Variants in UBR3 observed in about 807,000 individuals in gnomAD.
UBR3 encodes E3 ubiquitin-protein ligase UBR3.
Under a neutral mutation model 243.2 loss-of-function variants are expected in UBR3, and 85 were observed. The ratio of observed to expected loss-of-function variants is 0.35; its 90% CI spans 0.29 to 0.42. UBR3 has a LOEUF of 0.42. Among genes scored for constraint, UBR3 ranks in the 10% least tolerant of loss-of-function variants. The pLI is 1.00. For synonymous variants in UBR3, 748 were observed against 799.8 expected (o/e 0.94, Z 1.09); for missense variants, 1,686 against 2,300.8 (o/e 0.73, Z 5.47).
intron 30 of UBR3, 122 bp downstream of exon 30, chr2:170,015,488 G>A (rs866496111): frequency 3.3e-4 from 209 of 623,914 alleles, no homozygotes; most frequent in Middle Eastern, 2.2e-3. Flanking sequence ...TTTAGATAGT[G>A]ATATATACTT....
intron 8 of UBR3, among the ~76,000 whole-genome samples, chr2:169,904,090 C>A (rs555759668): frequency 6.6e-6 from 1 of 152,082 alleles, no homozygotes; most frequent in Non-Finnish European, 1.5e-5. Flanking sequence ...GTAAAATATA[C>A]TTAGGCTTTT....
intron 19 of UBR3, among the ~76,000 whole-genome samples, chr2:169,941,542 C>CT (rs1445111606): frequency 8.5e-5 from 13 of 152,132 alleles, no homozygotes; most frequent in Non-Finnish European, 2.9e-5. Context: ...ATAAGGGGGA[C>CT]TACTATACAT....
intron 32 of UBR3, among the ~76,000 whole-genome samples, chr2:170,053,612 G>A (rs1477574515): frequency 5.3e-5 from 8 of 152,164 alleles, no homozygotes; most frequent in Admixed American, 4.6e-4. Context: ...CAGTGGTCTT[G>A]GGGACCCCCA....
chr2:169,901,075 A>G (rs2084803116), intron 8 of UBR3, among the ~76,000 whole-genome samples: 1 of 152,078 alleles, frequency 6.6e-6, no homozygotes, highest in Admixed American at 6.5e-5. Flanking sequence ...CACACTGTTG[A>G]TTCTCTTTCT....
intron 19 of UBR3, among the ~76,000 whole-genome samples, chr2:169,941,089 C>G (rs982719778): frequency 5.9e-5 from 9 of 152,182 alleles, no homozygotes; most frequent in Admixed American, 3.3e-4. Context: ...CTTCTGATGA[C>G]ATGTTGTTAG....
intron 1 of UBR3, among the ~76,000 whole-genome samples, chr2:169,850,330 C>A (rs1479557298): frequency 6.6e-6 from 1 of 152,046 alleles, no homozygotes; most frequent in African/African-American, 2.4e-5. Flanking sequence ...AGGCACACGC[C>A]ACCATGCTTG....
chr2:170,033,439 A>T (rs1021773032), intron 31 of UBR3, among the ~76,000 whole-genome samples: 2 of 151,918 alleles, frequency 1.3e-5, no homozygotes, highest in African/African-American at 4.8e-5. Context: ...TTAGGCACAC[A>T]TAGCTGTTGA....
At chr2:169,964,010 T>G (rs1294744349) in intron 24 of UBR3, among the ~76,000 whole-genome samples, 1 of 152,182 alleles carries the variant, frequency 6.6e-6, no homozygotes, top group Non-Finnish European at 1.5e-5. Context: ...ACAATCACAG[T>G]ACATCATACC....
In UBR3 at chr2:170,073,546, T is replaced by G; in HGVS notation, c.5138T>G (p.Ile1713Ser). 2 of 1,613,736 alleles carry G rather than the reference T, an allele frequency of 1.2e-6. No individual in the cohort carries two copies. Among genetic ancestry groups the G allele is most frequent in the Non-Finnish European group, 8.5e-7 (1 of 1,179,744 alleles). Residue 1713 changes from isoleucine (I) to serine (S), a missense_variant, in exon 36 of 39, where the codon ATT becomes AGT. This residue lies in a region of UBR3 where 371 missense variants were observed against 422.5 expected (regional missense o/e 0.88). Transcript: ENST00000272793. The stretch of plus-strand genomic sequence containing the variant: ...GATTGGCCAGTTCCAGCATTTGATA[T>G]TATAACTCAGTGGTGTTTTGAGATA... The part of the protein sequence containing the change: ...CLDWPVPAFD[I>S]ITQWCFEIKS...
At chr2:170,022,006 C>A (rs2090403781) in intron 30 of UBR3, among the ~76,000 whole-genome samples, 2 of 152,114 alleles carry the variant, frequency 1.3e-5, no homozygotes, top group African/African-American at 4.8e-5. Flanking sequence ...ACTCTACCCC[C>A]ATTTTAAACG....
At chr2:169,837,603 G>T (rs1298055206) in intron 1 of UBR3, among the ~76,000 whole-genome samples, 3 of 152,220 alleles carry the variant, frequency 2.0e-5, no homozygotes, top group Admixed American at 2.0e-4. Context: ...AAGGCACCTA[G>T]TCACAGAGCA....
intron 5 of UBR3, among the ~76,000 whole-genome samples, chr2:169,880,853 T>C (rs1436986156): frequency 1.3e-5 from 2 of 152,164 alleles, no homozygotes; most frequent in Non-Finnish European, 2.9e-5. Context: ...AAAGTGAGAA[T>C]ATATGGTATT....
Position 170,008,851 on chromosome 2 carries a change from A to T in UBR3, c.4278A>T (p.Ile1426=). 2 of 1,525,832 alleles carry T rather than the reference A, an allele frequency of 1.3e-6. No individual in the cohort carries two copies. The highest frequency in any genetic ancestry group is 1.8e-6 in the Non-Finnish European group (2 of 1,112,882). The allele number at this position is 1,525,832 out of a possible 1,614,324, so 94.5% of individuals were successfully genotyped here. The part of the protein sequence containing the change: ...SKEMESVMKD[I]KNTTQKKYRD... The stretch of plus-strand genomic sequence containing the variant: ...AAATGGAATCTGTAATGAAAGATAT[A>T]AAAAATACCACTCAGAAGAAATATA... The change falls in exon 29 of 39, where the codon ATA becomes ATT. Residue 1426 remains isoleucine, a synonymous_variant. Coordinates refer to ENST00000272793, the MANE Select transcript of UBR3 (RefSeq NM_172070.4).
intron 30 of UBR3, among the ~76,000 whole-genome samples, chr2:170,022,289 C>T (rs548325680): frequency 6.6e-6 from 1 of 152,184 alleles, no homozygotes; most frequent in Admixed American, 6.5e-5. Flanking sequence ...GCATACTGTG[C>T]CTGGGAGTGG....
chr2:169,989,434 G>A (rs2089178137), intron 25 of UBR3, among the ~76,000 whole-genome samples: 1 of 152,004 alleles, frequency 6.6e-6, no homozygotes. Context: ...AACCAATTTG[G>A]ATTTTTCAGA....
chr2:169,974,987 C>T (rs1199813643), intron 24 of UBR3, among the ~76,000 whole-genome samples: 2 of 152,136 alleles, frequency 1.3e-5, no homozygotes, highest in East Asian at 3.9e-4. Flanking sequence ...TCAGAACCAG[C>T]CTGCACAACA....
intron 20 of UBR3, among the ~76,000 whole-genome samples, chr2:169,943,216 T>G (rs1347467955): frequency 3.3e-5 from 5 of 152,228 alleles, no homozygotes; most frequent in African/African-American, 1.2e-4. Flanking sequence ...TTGACTAACA[T>G]TAATTGTGTA....
intron 19 of UBR3, among the ~76,000 whole-genome samples, chr2:169,935,255 T>C (rs1333823529): frequency 2.6e-5 from 4 of 152,286 alleles, no homozygotes; most frequent in Middle Eastern, 3.4e-3. Context: ...AGCCTCCAAC[T>C]TCTGGACTCA....
At chr2:169,958,567 T>C (rs901396914) in intron 24 of UBR3, 41 bp downstream of exon 24, 6 of 1,550,736 alleles carry the variant, frequency 3.9e-6, no homozygotes, top group Non-Finnish European at 5.3e-6. Flanking sequence ...ATAATTATAC[T>C]TATTACTTTA....
Sources: allele counts gnomAD v4.1 joint callset (sites outside exome capture counted in the v4.1 genomes callset), GRCh38; gene constraint gnomAD v4.1.1; regional missense constraint gnomAD v4.1.1; transcripts MANE v1.5; gene names NCBI Gene and HGNC (gene_info 2026-07-23, HGNC 2026-07-21).